CLEC16A: variants seen among roughly 807,000 people sequenced by gnomAD.
CLEC16A encodes the protein C-type lectin domain containing 16A.
In CLEC16A, 51 loss-of-function variants were observed where a neutral mutation model predicts 109.5. The ratio of observed to expected loss-of-function variants is 0.47; its 90% CI spans 0.37 to 0.59. The LOEUF (loss-of-function observed/expected upper bound fraction) is 0.59, where lower values mean the gene tolerates loss of function less well. Ranked by LOEUF, CLEC16A falls within the 20% of genes least tolerant of loss-of-function variation. The pLI, the probability that CLEC16A is intolerant of heterozygous loss-of-function variation, is 0.00. For missense variants in CLEC16A, 1,339 were observed against 1,394.0 expected, an observed-to-expected ratio of 0.96 and a Z score of 0.63; for synonymous variants, 673 against 564.2, an observed-to-expected ratio of 1.19 and a Z score of -2.73.
intron 3 of CLEC16A, among the ~76,000 whole-genome samples, chr16:10,963,361 G>A (rs1422441756): frequency 2.0e-5 from 3 of 152,224 alleles, no homozygotes; most frequent in African/African-American, 7.2e-5. Flanking sequence ...ACCTGAGGGA[G>A]ACATAGTTCA....
chr16:11,046,974 C>G (rs757301784), intron 16 of CLEC16A, among the ~76,000 whole-genome samples: 1 of 152,126 alleles, frequency 6.6e-6, no homozygotes, highest in African/African-American at 2.4e-5. Context: ...ATGTTAAACA[C>G]TTGAAATATT....
intron 10 of CLEC16A, among the ~76,000 whole-genome samples, chr16:10,997,408 C>T (rs1162446050): frequency 6.6e-6 from 1 of 152,120 alleles, no homozygotes; most frequent in Non-Finnish European, 1.5e-5. Flanking sequence ...TCTGGTATTC[C>T]CATAAAGCCC....
At chr16:11,047,199 C>T in intron 16 of CLEC16A, 93 bp from the exon 17 acceptor site, 4 of 953,668 alleles carry the variant, frequency 4.2e-6, no homozygotes, top group Non-Finnish European at 6.1e-6. Flanking sequence ...AAACAGATGG[C>T]CTCTAAAGCC....
intron 10 of CLEC16A, among the ~76,000 whole-genome samples, chr16:10,991,423 CAAAAA>C (rs756161193): frequency 1.6e-3 from 99 of 63,366 alleles, no homozygotes; most frequent in African/African-American, 4.1e-3. Context: ...GACTCCGTCT[CAAAAA>C]AAAAAAAAAA....
intron 19 of CLEC16A, among the ~76,000 whole-genome samples, chr16:11,078,669 C>T (rs549334068): frequency 2.0e-4 from 30 of 152,280 alleles, no homozygotes; most frequent in African/African-American, 5.5e-4. Flanking sequence ...TAGACCCCGT[C>T]GTTGAGCAGG....
chr16:11,117,575 C>T (rs1028473778), intron 19 of CLEC16A, among the ~76,000 whole-genome samples: 1 of 152,072 alleles, frequency 6.6e-6, no homozygotes, highest in African/African-American at 2.4e-5. Flanking sequence ...GAAAGTATGT[C>T]TTGAATACTT....
At chr16:11,009,255 G>A (rs1021785147) in intron 11 of CLEC16A, among the ~76,000 whole-genome samples, 1 of 152,200 alleles carries the variant, frequency 6.6e-6, no homozygotes, top group Non-Finnish European at 1.5e-5. Flanking sequence ...TGTAGCATGT[G>A]CTGGGGATTT....
At chr16:10,975,877 C>G (rs2043009546) in intron 7 of CLEC16A, among the ~76,000 whole-genome samples, 1 of 152,100 alleles carries the variant, frequency 6.6e-6, no homozygotes. Context: ...GTCTCGAACT[C>G]CTGACCTAAA....
At chr16:11,007,610 C>T (rs2045107697) in intron 11 of CLEC16A, among the ~76,000 whole-genome samples, 1 of 152,192 alleles carries the variant, frequency 6.6e-6, no homozygotes, top group South Asian at 2.1e-4. Flanking sequence ...CAGCATGTGA[C>T]ACAGGAGCTT....
rs775354401 is a variant in CLEC16A, at chr16:10,962,522, G to T, written c.277G>T (p.Val93Leu). The T allele has an allele frequency of 1.2e-6, 2 of 1,613,910 alleles. No homozygotes were observed. The highest frequency in any genetic ancestry group is 1.7e-6 in the Non-Finnish European group (2 of 1,179,862). Residue 93 changes from valine (V) to leucine (L), a missense_variant, in exon 3 of 24, where the codon GTG (valine) becomes TTG (leucine). Val to Leu is a conservative substitution (Grantham distance 32). This residue lies in a region of CLEC16A where 117 missense variants were observed against 120.2 expected (regional missense o/e 0.97). Coordinates refer to ENST00000409790, the MANE Select transcript of CLEC16A (RefSeq NM_015226.3). ...CTTGCGGCAAAAGTCGGGCCGTTAC[G>T]TGTGCGTTCAGCTGCTGCAGACCTT... ...NILRQKSGRY[V>L]CVQLLQTLNI...
chr16:11,116,025 T>C (rs2051962060), intron 19 of CLEC16A, among the ~76,000 whole-genome samples: 1 of 152,022 alleles, frequency 6.6e-6, no homozygotes. Context: ...AATATGTTTT[T>C]TAAAAAATAT....
intron 15 of CLEC16A, among the ~76,000 whole-genome samples, 173 bp downstream of exon 15, chr16:11,042,536 G>A (rs1258989512): frequency 6.6e-6 from 1 of 152,160 alleles, no homozygotes. Context: ...TATTCAGCAG[G>A]GACTTCCTTT....
chr16:11,101,662 CA>C (rs2050923352), intron 19 of CLEC16A, among the ~76,000 whole-genome samples: 1 of 152,168 alleles, frequency 6.6e-6, no homozygotes, highest in Non-Finnish European at 1.5e-5. Flanking sequence ...ACAAAAATGA[CA>C]AAAATCCTTG....
At chr16:11,130,030 G>A (rs900628554) in intron 22 of CLEC16A, among the ~76,000 whole-genome samples, 1 of 152,160 alleles carries the variant, frequency 6.6e-6, no homozygotes, top group South Asian at 2.1e-4. Context: ...CCAAAGTGCT[G>A]GGATTACAGG....
At chr16:11,056,182 G>A (rs1273076603) in intron 18 of CLEC16A, among the ~76,000 whole-genome samples, 1 of 152,148 alleles carries the variant, frequency 6.6e-6, no homozygotes, top group African/African-American at 2.4e-5. Context: ...CAGTGAAGAA[G>A]GAAAACAGTG....
intron 22 of CLEC16A, among the ~76,000 whole-genome samples, chr16:11,152,825 G>A (rs2054346963): frequency 6.6e-6 from 1 of 152,128 alleles, no homozygotes; most frequent in Non-Finnish European, 1.5e-5. Context: ...TGTGTCAAAG[G>A]GGAAGAAAGT....
chr16:10,947,994 C>T (rs949344057), intron 1 of CLEC16A, among the ~76,000 whole-genome samples: 3 of 152,070 alleles, frequency 2.0e-5, no homozygotes, highest in Non-Finnish European at 2.9e-5. Flanking sequence ...CCCGGGTTCA[C>T]GCCATTCTCC....
intron 10 of CLEC16A, among the ~76,000 whole-genome samples, chr16:10,996,000 C>T (rs1041626923): frequency 9.9e-5 from 15 of 152,106 alleles, no homozygotes; most frequent in African/African-American, 3.6e-4. Flanking sequence ...TCTCTCCTTC[C>T]TTTACCTGAT....
chr16:10,964,372 C>G (rs1009537769), intron 3 of CLEC16A, among the ~76,000 whole-genome samples: 1 of 152,350 alleles, frequency 6.6e-6, no homozygotes, highest in Non-Finnish European at 1.5e-5. Context: ...CTCAGTGGCA[C>G]AGGCCCTTGA....
Sources: allele counts gnomAD v4.1 joint callset (sites outside exome capture counted in the v4.1 genomes callset), GRCh38; gene constraint gnomAD v4.1.1; regional missense constraint gnomAD v4.1.1; transcripts MANE v1.5; gene names NCBI Gene and HGNC (gene_info 2026-07-23, HGNC 2026-07-21).